Variants in NSD2 observed in about 807,000 individuals in gnomAD.
NSD2 encodes the protein histone-lysine N-methyltransferase NSD2.
Under a neutral mutation model 139.0 loss-of-function variants are expected in NSD2, and 12 were observed. That is an observed-to-expected ratio of 0.09 (90% CI 0.06 to 0.14). NSD2 has a LOEUF of 0.14. Ranked by LOEUF, NSD2 falls within the 10% of genes least tolerant of loss-of-function variation. The probability of loss-of-function intolerance (pLI) is 1.00; values close to 1 mark genes in which losing one functional copy is unlikely to be tolerated. For synonymous variants in NSD2, 669 were observed against 648.7 expected, an observed-to-expected ratio of 1.03 and a Z score of -0.48; for missense variants, 1,155 against 1,745.0, an observed-to-expected ratio of 0.66 and a Z score of 6.02.
At chr4:1,914,673 G>T (rs184266571) in intron 3 of NSD2, among the ~76,000 whole-genome samples, 1 of 152,286 alleles carries the variant, frequency 6.6e-6, no homozygotes, top group Admixed American at 6.5e-5. Context: ...TGGTTTGACT[G>T]GGTGTAGAAT....
chr4:1,938,565 T>TGGCCCCAC, intron 8 of NSD2, 33 bp downstream of exon 8: 1 of 1,546,952 alleles, frequency 6.5e-7, no homozygotes, highest in Non-Finnish European at 8.8e-7. Flanking sequence ...CTTCTTGGCT[T>TGGCCCCAC]CTGGGTGCCC....
intron 8 of NSD2, 64 bp downstream of exon 8, chr4:1,938,596 G>GGGGGGC: frequency 1.3e-6 from 1 of 760,494 alleles, no homozygotes; most frequent in Non-Finnish European, 2.2e-6. Flanking sequence ...GGGTGGGTGG[G>GGGGGGC]CTGAGAGTGT....
intron 1 of NSD2, among the ~76,000 whole-genome samples, chr4:1,872,208 G>A (rs1713838656): frequency 6.6e-6 from 1 of 152,076 alleles, no homozygotes; most frequent in Admixed American, 6.5e-5. Flanking sequence ...GGGGTGAGCC[G>A]GGTGTGGGTA....
At chr4:1,954,847 T>C (rs1308301212) in intron 12 of NSD2, among the ~76,000 whole-genome samples, 2 of 152,210 alleles carry the variant, frequency 1.3e-5, no homozygotes, top group African/African-American at 4.8e-5. Context: ...ATTTTGGGGA[T>C]GTGCTCCTGG....
At chr4:1,881,625 C>G (rs553336659) in intron 1 of NSD2, among the ~76,000 whole-genome samples, 1 of 152,096 alleles carries the variant, frequency 6.6e-6, no homozygotes, top group Non-Finnish European at 1.5e-5. Flanking sequence ...TTGAATTCCT[C>G]GACTCAAGCA....
intron 3 of NSD2, among the ~76,000 whole-genome samples, chr4:1,911,696 T>C (rs551368674): frequency 6.9e-6 from 1 of 145,174 alleles, no homozygotes; most frequent in African/African-American, 2.5e-5. Flanking sequence ...ATTGGTAAAA[T>C]AAAAACAGTG....
At chr4:1,883,691 C>T (rs1714872049) in intron 1 of NSD2, among the ~76,000 whole-genome samples, 1 of 151,654 alleles carries the variant, frequency 6.6e-6, no homozygotes, top group African/African-American at 2.4e-5. Flanking sequence ...TGTTTGTTGT[C>T]CCCATCTGCT....
chr4:1,953,216 G>A (rs747297385), intron 11 of NSD2, 108 bp from the exon 12 acceptor site: 2 of 1,588,834 alleles, frequency 1.3e-6, no homozygotes, highest in South Asian at 2.3e-5. Flanking sequence ...TGCTTTAGCA[G>A]CATGGCTGCC....
rs2108878884 is a variant in NSD2, at chr4:1,873,570, T to C, written c.-30+2028T>C. On this transcript the variant is annotated intron_variant, in intron 1 of 21. Coordinates refer to ENST00000508803, the MANE Select transcript of NSD2 (RefSeq NM_001042424.3). ...GAATGAGTCAGGAAGATAATCTGAA[T>C]AGGTAGAAGACAACCCACTCCTCCT... is the stretch of plus-strand genomic sequence containing the variant. Among the ~76,000 whole-genome samples, 3 of 152,312 alleles carry C rather than the reference T, an allele frequency of 2.0e-5. No individual in the cohort carries two copies. The East Asian group carries it at 5.8e-4, about 29-fold the overall frequency.
intron 9 of NSD2, chr4:1,945,071 C>A: frequency 9.4e-7 from 1 of 1,066,404 alleles, no homozygotes. Context: ...CTCTGTCCCA[C>A]TGCTGCTTCT....
chr4:1,900,859 G>A lies in NSD2; in HGVS notation c.205G>A (p.Asp69Asn), dbSNP rs1401743505. The A allele has an allele frequency of 1.9e-6, 3 of 1,613,570 alleles. No individual in the cohort carries two copies. Among genetic ancestry groups the A allele is most frequent in the African/African-American group, 1.3e-5 (1 of 75,026 alleles). ...EGVMQKFNGH[D>N]ALPFIPADKL... Reference sequence around the variant, plus strand: ...GGTCATGCAGAAGTTTAACGGCCACGACGCCCTGCCCTTTATTCCAGCCGA... The same window carrying A: ...GGTCATGCAGAAGTTTAACGGCCACAACGCCCTGCCCTTTATTCCAGCCGA... Residue 69 changes from aspartate to asparagine, a missense_variant, in exon 2 of 22, where the codon GAC becomes AAC. By Grantham distance (23) the Asp-to-Asn change is conservative. Around this residue, in one of 8 missense-constraint regions of NSD2, gnomAD observed 246 missense variants for 262.8 expected, o/e 0.94. Transcript: ENST00000508803.
At chr4:1,874,121 A>G (rs566695931) in intron 1 of NSD2, among the ~76,000 whole-genome samples, 3 of 152,300 alleles carry the variant, frequency 2.0e-5, no homozygotes, top group African/African-American at 4.8e-5. Context: ...CTTTTTACTC[A>G]TATATTCTGA....
chr4:1,936,465 G>A (rs1012466864), intron 7 of NSD2, among the ~76,000 whole-genome samples: 53 of 152,100 alleles, frequency 3.5e-4, no homozygotes, highest in African/African-American at 1.2e-3. Flanking sequence ...GAGGTCAGGA[G>A]ATCAAGACCA....
intron 5 of NSD2, among the ~76,000 whole-genome samples, chr4:1,919,439 T>C (rs1371444626): frequency 2.0e-5 from 3 of 152,218 alleles, no homozygotes; most frequent in African/African-American, 2.4e-5. Flanking sequence ...TTGCATAAAA[T>C]GCACAGTCTG....
chr4:1,900,634 G>A lies in NSD2; in HGVS notation c.-21G>A, dbSNP rs758429026. 5.2e-6 allele frequency: 8 copies of A among 1,530,536 alleles called. No homozygotes were observed. Among genetic ancestry groups the A allele is most frequent in the Non-Finnish European group, 6.1e-6 (7 of 1,139,300 alleles). 94.8% of individuals were successfully genotyped at this position (1,530,536 alleles called of 1,614,324 possible). A position where few individuals can be genotyped will look rare whatever the true frequency, so the allele number is the denominator to read the frequency against. ...TTTTTTTAATACCATAGTGTTCTAA[G>A]AACGGAAGCATCTGGGCTGGATGGA... is the stretch of plus-strand genomic sequence containing the variant. On this transcript the variant is annotated 5_prime_UTR_variant, in exon 2 of 22. Coordinates refer to ENST00000508803, the MANE Select transcript of NSD2 (RefSeq NM_001042424.3).
At chr4:1,965,933 C>A (rs984273535) in intron 18 of NSD2, among the ~76,000 whole-genome samples, 14 of 152,184 alleles carry the variant, frequency 9.2e-5, no homozygotes, top group African/African-American at 3.4e-4. Context: ...GATTACAATT[C>A]AAGATGCGAT....
At chr4:1,896,362 T>A (rs1357482415) in intron 1 of NSD2, among the ~76,000 whole-genome samples, 6 of 152,242 alleles carry the variant, frequency 3.9e-5, no homozygotes, top group African/African-American at 1.4e-4. Flanking sequence ...GACCTGGAGA[T>A]TCTCTCTATT....
At chr4:1,977,832 AAAG>A (rs1727264710) in intron 21 of NSD2, among the ~76,000 whole-genome samples, 1 of 149,990 alleles carries the variant, frequency 6.7e-6, no homozygotes, top group African/African-American at 2.5e-5. Flanking sequence ...AAAACTATAA[AAAG>A]AAAATCCAGG....
intron 2 of NSD2, among the ~76,000 whole-genome samples, chr4:1,901,589 T>C (rs1252282340): frequency 6.6e-6 from 1 of 152,256 alleles, no homozygotes; most frequent in Non-Finnish European, 1.5e-5. Flanking sequence ...CAGGCTACAC[T>C]CTTTTCATGG....
Sources: allele counts gnomAD v4.1 joint callset (sites outside exome capture counted in the v4.1 genomes callset), GRCh38; gene constraint gnomAD v4.1.1; regional missense constraint gnomAD v4.1.1; transcripts MANE v1.5; gene names NCBI Gene and HGNC (gene_info 2026-07-23, HGNC 2026-07-21).